Variants in PTPRG observed in about 807,000 individuals in gnomAD.
PTPRG encodes protein tyrosine phosphatase receptor type G.
PTPRG carries 102 observed loss-of-function variants against 165.3 expected under a neutral mutation model. The ratio of observed to expected loss-of-function variants is 0.62; its 90% CI spans 0.53 to 0.73. PTPRG has a LOEUF of 0.73. Ranked by LOEUF, PTPRG falls within the 30% of genes least tolerant of loss-of-function variation. The pLI is 0.00. For synonymous variants in PTPRG, 675 were observed against 669.5 expected (o/e 1.01, Z -0.13); for missense variants, 1,866 against 1,861.4 (o/e 1.00, Z -0.05).
intron 4 of PTPRG, among the ~76,000 whole-genome samples, chr3:62,062,983 G>A (rs6445254): frequency 0.67 from 101,425 of 152,104 alleles, 35,038 homozygotes; most frequent in South Asian, 0.86. Context: ...TTGCCCTGTG[G>A]TGTTAAATAC....
intron 2 of PTPRG, among the ~76,000 whole-genome samples, chr3:61,870,926 A>C (rs1169703368): frequency 6.6e-6 from 1 of 152,134 alleles, no homozygotes; most frequent in Non-Finnish European, 1.5e-5. Context: ...GAAATCAGCA[A>C]CGGGGTAGAG....
At chr3:62,020,083 GA>G (rs773291556) in intron 4 of PTPRG, among the ~76,000 whole-genome samples, 2 of 152,064 alleles carry the variant, frequency 1.3e-5, no homozygotes, top group Admixed American at 6.5e-5. Context: ...ATCATAGAGT[GA>G]TCTGTTGTCA....
At chr3:61,990,061 T>G (rs2040848773) in intron 3 of PTPRG, among the ~76,000 whole-genome samples, 1 of 152,034 alleles carries the variant, frequency 6.6e-6, no homozygotes, top group Non-Finnish European at 1.5e-5. Context: ...TAGTAGTGAT[T>G]AAATGAGTTA....
intron 1 of PTPRG, among the ~76,000 whole-genome samples, chr3:61,622,659 T>C (rs966690022): frequency 6.6e-6 from 1 of 152,208 alleles, no homozygotes; most frequent in African/African-American, 2.4e-5. Context: ...CAAATCCTTA[T>C]AACTGAACAA....
intron 2 of PTPRG, among the ~76,000 whole-genome samples, chr3:61,920,251 C>T (rs1397030050): frequency 6.6e-6 from 1 of 152,196 alleles, no homozygotes; most frequent in East Asian, 1.9e-4. Context: ...GTCTTTCCAG[C>T]TCTGTGCCTT....
chr3:61,853,001 A>AT lies in PTPRG; in HGVS notation c.190+104021dup, dbSNP rs368425606. On this transcript the variant is annotated intron_variant, in intron 2 of 29. Transcript: ENST00000474889. ...TTCCTCTTTGCATCTGTTCATCTAA[A>AT]TTCCATTTATTGAATGATTTCTTTG... 3.2e-3 allele frequency among the ~76,000 whole-genome samples: 494 copies of AT among 152,274 alleles called. 1 individual carries two copies. Among genetic ancestry groups the AT allele is most frequent in the Non-Finnish European group, 5.7e-3 (391 of 68,014 alleles).
chr3:62,282,992 C>T, intron 28 of PTPRG, 123 bp downstream of exon 28: 1 of 829,360 alleles, frequency 1.2e-6, no homozygotes, highest in Non-Finnish European at 1.9e-6. Flanking sequence ...GTGACAACTC[C>T]ATGTTATTTC....
intron 1 of PTPRG, among the ~76,000 whole-genome samples, chr3:61,693,482 T>G (rs538969834): frequency 1.3e-5 from 2 of 152,318 alleles, no homozygotes; most frequent in East Asian, 1.9e-4. Context: ...TCCAGTAGAT[T>G]CAGCAGACAT....
rs567697809 is a variant in PTPRG at position 61,741,060 on chromosome 3, T to A, written c.86-7818T>A. ...ATCAGAATATTTAATTACTTTTAACTTAATTTGATACTTTTGCCCATTGTA... is the reference window on the plus strand; with the variant it reads ...ATCAGAATATTTAATTACTTTTAACATAATTTGATACTTTTGCCCATTGTA... On this transcript the variant is annotated intron_variant, in intron 1 of 29. Transcript: ENST00000474889. Among the ~76,000 whole-genome samples, 6 of 152,368 alleles carry A rather than the reference T, an allele frequency of 3.9e-5. No homozygotes were observed. In the East Asian group the frequency reaches 1.2e-3, roughly 29 times the overall value.
In PTPRG at chr3:61,562,416, G is replaced by C. The variant is rs201006177; in HGVS notation, c.85+44G>C. The C allele has an allele frequency of 4.7e-3, 7,554 of 1,591,564 alleles. 39 individuals carry two copies. Among genetic ancestry groups the C allele is most frequent in the Middle Eastern group, 0.023 (124 of 5,402 alleles). On this transcript the variant is annotated intron_variant, in intron 1 of 29. Coordinates refer to ENST00000474889, the MANE Select transcript of PTPRG (RefSeq NM_002841.4). ...GGGGATGCGGCCCCGGCCGGCGCGC[G>C]TTGGGGATGCGGAGTTGTCGCCTGG...
chr3:61,738,341 T>C, intron 1 of PTPRG, among the ~76,000 whole-genome samples: 1 of 140,558 alleles, frequency 7.1e-6, no homozygotes, highest in African/African-American at 2.7e-5. Context: ...TATATATGTA[T>C]ATATATATAT....
At chr3:62,094,246 C>T (rs1702036120) in intron 5 of PTPRG, among the ~76,000 whole-genome samples, 1 of 152,180 alleles carries the variant, frequency 6.6e-6, no homozygotes. Context: ...CCTGGAAACT[C>T]CCTACCCCCT....
At chr3:61,988,483 G>C (rs2040812971) in intron 2 of PTPRG, among the ~76,000 whole-genome samples, 1 of 152,136 alleles carries the variant, frequency 6.6e-6, no homozygotes, top group Non-Finnish European at 1.5e-5. Flanking sequence ...AAGGCTAGTA[G>C]TTAGACTTAC....
intron 1 of PTPRG, among the ~76,000 whole-genome samples, chr3:61,615,017 G>A: frequency 6.6e-6 from 1 of 152,104 alleles, no homozygotes; most frequent in African/African-American, 2.4e-5. Flanking sequence ...TTAAAAAGAT[G>A]GAAAAAATTG....
intron 5 of PTPRG, among the ~76,000 whole-genome samples, chr3:62,115,560 A>C (rs1428530061): frequency 1.3e-5 from 2 of 152,056 alleles, no homozygotes; most frequent in East Asian, 3.9e-4. Flanking sequence ...AATCAATATT[A>C]TTAATTTCTA....
intron 2 of PTPRG, among the ~76,000 whole-genome samples, chr3:61,890,690 T>C (rs934160840): frequency 2.0e-5 from 3 of 152,140 alleles, no homozygotes; most frequent in Non-Finnish European, 2.9e-5. Context: ...AGTGTAAAAA[T>C]TGACTTTTAA....
At chr3:61,680,936 T>C (rs1703419989) in intron 1 of PTPRG, among the ~76,000 whole-genome samples, 1 of 72,226 alleles carries the variant, frequency 1.4e-5, no homozygotes, top group Non-Finnish European at 3.8e-5. Flanking sequence ...ATGGAAATCA[T>C]TATTTTCAAA....
intron 6 of PTPRG, among the ~76,000 whole-genome samples, chr3:62,149,833 C>A (rs1041550239): frequency 6.6e-6 from 1 of 152,176 alleles, no homozygotes; most frequent in Non-Finnish European, 1.5e-5. Flanking sequence ...GCGGGATTAT[C>A]AATTGTACTT....
intron 4 of PTPRG, among the ~76,000 whole-genome samples, chr3:62,048,610 A>G (rs1439529786): frequency 6.6e-6 from 1 of 152,200 alleles, no homozygotes; most frequent in Non-Finnish European, 1.5e-5. Flanking sequence ...TACCTTTTTA[A>G]TCTATCTCCC....
Sources: gnomAD v4.1 joint callset for allele counts (sites outside exome capture counted in the v4.1 genomes callset) on GRCh38, gnomAD v4.1.1 for gene constraint, MANE v1.5 for transcripts, NCBI Gene and HGNC (gene_info 2026-07-23, HGNC 2026-07-21) for gene names.